The following ADARB2 variants were observed in gnomAD, a reference collection of about 807,000 sequenced individuals.
ADARB2 encodes the protein adenosine deaminase RNA specific B2 (inactive).
In ADARB2, 25 loss-of-function variants were observed where a neutral mutation model predicts 62.2. The observed-to-expected ratio is 0.40, with a 90% CI of 0.29 to 0.56. The LOEUF is 0.56. Ranked by LOEUF, ADARB2 falls within the 20% of genes least tolerant of loss-of-function variation. ADARB2 has a pLI of 0.43. For missense variants in ADARB2, 1,071 were observed against 1,077.4 expected, an observed-to-expected ratio of 0.99 and a Z score of 0.08; for synonymous variants, 572 against 500.8, an observed-to-expected ratio of 1.14 and a Z score of -1.90.
chr10:1,505,035 A>G (rs891344558), intron 1 of ADARB2, among the ~76,000 whole-genome samples: 3 of 152,048 alleles, frequency 2.0e-5, no homozygotes, highest in Admixed American at 6.6e-5. Context: ...ACACAGCCAC[A>G]CATGCACGAC....
chr10:1,675,408 G>A (rs1013667559), intron 1 of ADARB2: 8 of 981,574 alleles, frequency 8.2e-6, no homozygotes, highest in Non-Finnish European at 9.6e-6. Flanking sequence ...GGAGGTTTGG[G>A]TTAAGGGATC....
At chr10:1,586,902 T>G (rs879569065) in intron 1 of ADARB2, among the ~76,000 whole-genome samples, 2 of 152,172 alleles carry the variant, frequency 1.3e-5, no homozygotes, top group Non-Finnish European at 2.9e-5. Context: ...TGAAATACAA[T>G]GTAATGAAAT....
intron 1 of ADARB2, among the ~76,000 whole-genome samples, chr10:1,443,779 A>G (rs926722030): frequency 6.6e-6 from 1 of 152,246 alleles, no homozygotes; most frequent in Non-Finnish European, 1.5e-5. Flanking sequence ...AGCCATTGCA[A>G]GAGATGATAA....
chr10:1,422,273 C>T (rs1057210628), intron 1 of ADARB2, among the ~76,000 whole-genome samples: 3 of 152,222 alleles, frequency 2.0e-5, no homozygotes, highest in Non-Finnish European at 2.9e-5. Flanking sequence ...TCCTGGAAGA[C>T]TTAATATAAG....
At chr10:1,722,092 G>C (rs1013293317) in intron 1 of ADARB2, among the ~76,000 whole-genome samples, 1 of 152,190 alleles carries the variant, frequency 6.6e-6, no homozygotes, top group African/African-American at 2.4e-5. Context: ...AGCTATTTTA[G>C]TCAGTTGGTG....
intron 1 of ADARB2, among the ~76,000 whole-genome samples, chr10:1,660,520 G>C (rs533506517): frequency 1.3e-5 from 2 of 152,286 alleles, no homozygotes; most frequent in East Asian, 3.9e-4. Flanking sequence ...GGAACGAATA[G>C]CTCCAGTATC....
At chr10:1,341,803 C>T (rs1309911984) in intron 3 of ADARB2, among the ~76,000 whole-genome samples, 1 of 152,224 alleles carries the variant, frequency 6.6e-6, no homozygotes, top group Non-Finnish European at 1.5e-5. Flanking sequence ...AGCCAGAGAA[C>T]CACGTGCCCC....
At chr10:1,356,778 C>T (rs1832200056) in intron 3 of ADARB2, among the ~76,000 whole-genome samples, 1 of 152,204 alleles carries the variant, frequency 6.6e-6, no homozygotes, top group African/African-American at 2.4e-5. Context: ...ACACTCATCA[C>T]CACTTCTAAG....
chr10:1,464,368 C>T (rs374237733), intron 1 of ADARB2, among the ~76,000 whole-genome samples: 50 of 70,174 alleles, frequency 7.1e-4, no homozygotes, highest in Non-Finnish European at 9.2e-4. Flanking sequence ...CCAGTCACAG[C>T]GGGCAGCGTG....
At chr10:1,467,044 ATC>A (rs35329131) in intron 1 of ADARB2, among the ~76,000 whole-genome samples, 46 of 148,704 alleles carry the variant, frequency 3.1e-4, no homozygotes, top group Admixed American at 4.7e-4. Context: ...TATTTACAGC[ATC>A]TCTCTCTCTC....
At chr10:1,580,146 T>C (rs1165201195) in intron 1 of ADARB2, among the ~76,000 whole-genome samples, 1 of 152,218 alleles carries the variant, frequency 6.6e-6, no homozygotes, top group Non-Finnish European at 1.5e-5. Context: ...CAGGAGTACA[T>C]GTACGTGTTT....
intron 1 of ADARB2, among the ~76,000 whole-genome samples, chr10:1,407,009 C>G (rs781666264): frequency 1.3e-5 from 2 of 152,226 alleles, no homozygotes; most frequent in Non-Finnish European, 2.9e-5. Context: ...CTGGGGGATG[C>G]GTCTCCTCCT....
At chr10:1,635,432 G>A (rs938830637) in intron 1 of ADARB2, among the ~76,000 whole-genome samples, 3 of 152,222 alleles carry the variant, frequency 2.0e-5, no homozygotes, top group Non-Finnish European at 2.9e-5. Flanking sequence ...TGAGACCACA[G>A]CGCTGTGCTT....
chr10:1,275,514 TC>T lies in ADARB2; in HGVS notation c.1078-4446del, dbSNP rs1690278762. Among the ~76,000 whole-genome samples the T allele has an allele frequency of 6.6e-5, 9 of 135,958 alleles. No homozygotes were observed. In the South Asian group the frequency reaches 1.5e-3, roughly 23 times the overall value. 89.2% of individuals were successfully genotyped at this position (135,958 alleles called of 152,430 possible). ...CCAGTCTTTCTTTCTTTCCTTCTTTTCTTTTTTTTTAATTTAAGTTTTAGGG... is the reference window on the plus strand; with the variant it reads ...CCAGTCTTTCTTTCTTTCCTTCTTTTTTTTTTTTTAATTTAAGTTTTAGGG... On this transcript the variant is annotated intron_variant, in intron 3 of 9. Transcript: ENST00000381312.
intron 1 of ADARB2, among the ~76,000 whole-genome samples, chr10:1,685,786 G>A (rs1191709337): frequency 6.6e-6 from 1 of 152,208 alleles, no homozygotes. Flanking sequence ...TGGAATCAAG[G>A]TCCTGATGGA....
chr10:1,418,824 GAA>G (rs55695805), intron 1 of ADARB2, among the ~76,000 whole-genome samples: 38,696 of 151,464 alleles, frequency 0.26, 6,816 homozygotes, highest in East Asian at 0.62. Flanking sequence ...GGATAACTGA[GAA>G]AAAAAAAAAT....
chr10:1,699,034 T>C (rs1451428913), intron 1 of ADARB2, among the ~76,000 whole-genome samples: 1 of 152,240 alleles, frequency 6.6e-6, no homozygotes, highest in African/African-American at 2.4e-5. Context: ...GTGCTGGGAT[T>C]ACAGGCATGA....
chr10:1,543,829 G>A (rs1030748864), intron 1 of ADARB2, among the ~76,000 whole-genome samples: 3 of 152,122 alleles, frequency 2.0e-5, no homozygotes, highest in Non-Finnish European at 4.4e-5. Flanking sequence ...GACTCATTAA[G>A]TTTACAGCCC....
At chr10:1,657,869 C>T (rs1834191834) in intron 1 of ADARB2, among the ~76,000 whole-genome samples, 1 of 152,060 alleles carries the variant, frequency 6.6e-6, no homozygotes, top group African/African-American at 2.4e-5. Flanking sequence ...TCTCTCTGCT[C>T]TCAGTTTCTC....
Sources: allele counts gnomAD v4.1 joint callset (sites outside exome capture counted in the v4.1 genomes callset), GRCh38; gene constraint gnomAD v4.1.1; transcripts MANE v1.5; gene names NCBI Gene and HGNC (gene_info 2026-07-23, HGNC 2026-07-21).